RNLS: variants seen among roughly 807,000 people sequenced by gnomAD.
RNLS encodes renalase, FAD dependent amine oxidase.
A neutral mutation model predicts 39.8 loss-of-function variants in RNLS; 39 were observed. That is an observed-to-expected ratio of 0.98 (90% confidence interval 0.76 to 1.28). The LOEUF (loss-of-function observed/expected upper bound fraction) is 1.28. Ranked by LOEUF, RNLS falls within the 50% of genes most tolerant of loss-of-function variation. The pLI, the probability that RNLS is intolerant of heterozygous loss-of-function variation, is 0.00. For synonymous variants in RNLS, 147 were observed against 150.7 expected, an observed-to-expected ratio of 0.98 and a Z score of 0.18; for missense variants, 410 against 413.3, an observed-to-expected ratio of 0.99 and a Z score of 0.07.
chr10:88,308,441 TA>T (rs61265471), intron 6 of RNLS, among the ~76,000 whole-genome samples: 115 of 126,060 alleles, frequency 9.1e-4, no homozygotes, highest in African/African-American at 1.9e-3. Flanking sequence ...TTACAAAAAA[TA>T]AAAAAAAAAC....
chr10:88,432,523 A>T (rs765417275), intron 4 of RNLS, among the ~76,000 whole-genome samples: 1 of 151,744 alleles, frequency 6.6e-6, no homozygotes, highest in Non-Finnish European at 1.5e-5. Context: ...TATTTTCACC[A>T]TATATTCCTT....
At chr10:88,365,057 T>G (rs1420028798) in intron 4 of RNLS, among the ~76,000 whole-genome samples, 1 of 152,022 alleles carries the variant, frequency 6.6e-6, no homozygotes, top group African/African-American at 2.4e-5. Flanking sequence ...TTAGACAAAG[T>G]GCCAAGTGGT....
At chr10:88,347,976 T>C (rs1848423006) in intron 5 of RNLS, among the ~76,000 whole-genome samples, 1 of 152,192 alleles carries the variant, frequency 6.6e-6, no homozygotes, top group South Asian at 2.1e-4. Context: ...GTTGCTATTA[T>C]ATTTAATACA....
intron 4 of RNLS, among the ~76,000 whole-genome samples, chr10:88,372,022 A>C (rs1158631151): frequency 6.6e-6 from 1 of 152,194 alleles, no homozygotes; most frequent in African/African-American, 2.4e-5. Context: ...AGACACTTGA[A>C]GTTTCTAAAA....
chr10:88,201,998 C>A, the RNLS span, among the ~76,000 whole-genome samples: 2 of 151,990 alleles, frequency 1.3e-5, no homozygotes, highest in African/African-American at 4.8e-5. Flanking sequence ...CACATGCACA[C>A]GTATGTTTAT....
At chr10:88,255,185 C>T in the RNLS span, among the ~76,000 whole-genome samples, 1 of 152,230 alleles carries the variant, frequency 6.6e-6, no homozygotes, top group Non-Finnish European at 1.5e-5. Flanking sequence ...ATTCATGATA[C>T]ATTTGTAAGA....
chr10:88,305,891 T>C (rs1299606164), intron 6 of RNLS, among the ~76,000 whole-genome samples: 1 of 152,090 alleles, frequency 6.6e-6, no homozygotes, highest in Non-Finnish European at 1.5e-5. Flanking sequence ...CTCATTGTCA[T>C]CTGGCACACA....
chr10:88,254,028 G>T, the RNLS span, among the ~76,000 whole-genome samples: 1 of 152,202 alleles, frequency 6.6e-6, no homozygotes, highest in African/African-American at 2.4e-5. Context: ...CTTTAAAAGT[G>T]AGTTTAGTTA....
intron 5 of RNLS, among the ~76,000 whole-genome samples, chr10:88,322,727 A>G (rs1432411236): frequency 6.6e-6 from 1 of 152,184 alleles, no homozygotes; most frequent in Non-Finnish European, 1.5e-5. Context: ...TGGGAGCAAG[A>G]CAAGGATGTC....
chr10:88,455,044 T>C (rs150369206), intron 4 of RNLS, among the ~76,000 whole-genome samples: 3 of 152,292 alleles, frequency 2.0e-5, no homozygotes, highest in South Asian at 2.1e-4. Flanking sequence ...AAACAACATA[T>C]GTTCTGTTCT....
chr10:88,418,164 A>G (rs1246183473), intron 4 of RNLS, among the ~76,000 whole-genome samples: 1 of 151,946 alleles, frequency 6.6e-6, no homozygotes, highest in Non-Finnish European at 1.5e-5. Flanking sequence ...TAAAGATTCA[A>G]CAGAATTTTT....
rs34092522 is a variant in RNLS at position 88,483,771 on chromosome 10, T to C, written c.526+89132A>G. 4.9e-3 allele frequency among the ~76,000 whole-genome samples: 751 copies of C among 152,212 alleles called. 6 individuals are homozygous for C. The highest frequency in any genetic ancestry group is 7.4e-3 in the Non-Finnish European group (503 of 67,972). ...ATAACCTCATACCACATATTTTGTA[T>C]TAAAAAAACCCTTCATATTTTGTAC... On this transcript the variant is annotated intron_variant, in intron 4 of 6. Transcript: ENST00000331772.
chr10:88,226,338 G>A, the RNLS span, among the ~76,000 whole-genome samples: 6 of 152,218 alleles, frequency 3.9e-5, no homozygotes, highest in East Asian at 3.9e-4. Context: ...TGCAATTAAC[G>A]TCTATCCCAA....
chr10:88,307,164 A>G (rs1844986371), intron 6 of RNLS, among the ~76,000 whole-genome samples: 1 of 152,214 alleles, frequency 6.6e-6, no homozygotes, highest in African/African-American at 2.4e-5. Flanking sequence ...TATTGAAGGA[A>G]CATACCTCAA....
At chr10:88,291,319 C>T (rs557079858) in intron 6 of RNLS, among the ~76,000 whole-genome samples, 1 of 152,196 alleles carries the variant, frequency 6.6e-6, no homozygotes, top group Non-Finnish European at 1.5e-5. Context: ...AAATGAGCAG[C>T]GTCAGGTGAA....
chr10:88,364,359 C>T (rs1336271549), intron 4 of RNLS, among the ~76,000 whole-genome samples: 1 of 152,090 alleles, frequency 6.6e-6, no homozygotes, highest in African/African-American at 2.4e-5. Flanking sequence ...TATTATAGCA[C>T]AGTAATAATC....
intron 4 of RNLS, among the ~76,000 whole-genome samples, chr10:88,544,972 C>T (rs1203582619): frequency 2.6e-5 from 4 of 151,994 alleles, no homozygotes; most frequent in African/African-American, 4.8e-5. Context: ...ACCCATGTAC[C>T]GCTGGGATAA....
chr10:88,271,551 G>C (rs867843030), downstream of RNLS, among the ~76,000 whole-genome samples: 1 of 152,116 alleles, frequency 6.6e-6, no homozygotes, highest in Non-Finnish European at 1.5e-5. Context: ...CAAAACTTCC[G>C]TGACAGCAAA....
intron 5 of RNLS, among the ~76,000 whole-genome samples, chr10:88,356,715 G>A (rs977682764): frequency 1.3e-5 from 2 of 152,202 alleles, no homozygotes; most frequent in African/African-American, 4.8e-5. Context: ...TTTAAGATGA[G>A]TTGGATTATT....
Sources: gnomAD v4.1 joint callset for allele counts (sites outside exome capture counted in the v4.1 genomes callset) on GRCh38, gnomAD v4.1.1 for gene constraint, MANE v1.5 for transcripts, NCBI Gene and HGNC (gene_info 2026-07-23, HGNC 2026-07-21) for gene names.